Variants in HEMK2 observed in about 807,000 individuals in gnomAD.
HEMK2 encodes the protein HemK methyltransferase 2, ETF1 glutamine and histone H4 lysine.
the HEMK2 span, among the ~76,000 whole-genome samples, chr21:28,784,901 C>A: frequency 6.6e-6 from 1 of 152,216 alleles, no homozygotes; most frequent in Non-Finnish European, 1.5e-5. Context: ...ATAAATCTTG[C>A]TGCTGCTCAC....
the HEMK2 span, among the ~76,000 whole-genome samples, chr21:28,588,353 T>C: frequency 6.6e-6 from 1 of 152,306 alleles, no homozygotes; most frequent in Non-Finnish European, 1.5e-5. Flanking sequence ...AGGCAGTTCC[T>C]TACATATTGA....
chr21:28,715,494 TA>T, the HEMK2 span, among the ~76,000 whole-genome samples: 1 of 152,206 alleles, frequency 6.6e-6, no homozygotes, highest in Non-Finnish European at 1.5e-5. Flanking sequence ...TAGGGTTATT[TA>T]TTTTTTGTTT....
the HEMK2 span, among the ~76,000 whole-genome samples, chr21:28,753,917 T>C: frequency 4.6e-5 from 7 of 152,208 alleles, no homozygotes; most frequent in Non-Finnish European, 1.0e-4. Context: ...TTACTAAATA[T>C]ACTCTGGCTT....
the HEMK2 span, among the ~76,000 whole-genome samples, chr21:28,884,566 A>G: frequency 6.6e-6 from 1 of 152,212 alleles, no homozygotes; most frequent in Admixed American, 6.5e-5. Flanking sequence ...CAATAAATCC[A>G]TTTAAATAAA....
At chr21:28,769,262 G>A in the HEMK2 span, among the ~76,000 whole-genome samples, 1 of 152,050 alleles carries the variant, frequency 6.6e-6, no homozygotes, top group African/African-American at 2.4e-5. Flanking sequence ...ATTACCCCTA[G>A]ATGATGTGTA....
chr21:28,738,886 T>G, the HEMK2 span, among the ~76,000 whole-genome samples: 1 of 152,226 alleles, frequency 6.6e-6, no homozygotes, highest in Non-Finnish European at 1.5e-5. Flanking sequence ...AACAAGACAG[T>G]TGGTGTCCGT....
chr21:28,724,817 T>C, the HEMK2 span, among the ~76,000 whole-genome samples: 3 of 152,194 alleles, frequency 2.0e-5, no homozygotes, highest in Non-Finnish European at 4.4e-5. Context: ...GGTCTCACTC[T>C]GTCACCCAGG....
At chr21:28,816,884 T>C in the HEMK2 span, among the ~76,000 whole-genome samples, 27,117 of 152,032 alleles carry the variant, frequency 0.18, 3,043 homozygotes, top group East Asian at 0.4. Context: ...GCAGAGAAAA[T>C]AGAAGACATG....
the HEMK2 span, among the ~76,000 whole-genome samples, chr21:28,609,954 G>C: frequency 6.6e-6 from 1 of 152,316 alleles, no homozygotes; most frequent in Admixed American, 6.5e-5. Flanking sequence ...TGAGGGAGAA[G>C]AGAAATCTGA....
At chr21:28,789,972 A>T in the HEMK2 span, among the ~76,000 whole-genome samples, 1 of 152,242 alleles carries the variant, frequency 6.6e-6, no homozygotes, top group Non-Finnish European at 1.5e-5. Context: ...AAACACCAAC[A>T]GAGCATTGTA....
chr21:28,723,486 T>C, the HEMK2 span, among the ~76,000 whole-genome samples: 1 of 152,184 alleles, frequency 6.6e-6, no homozygotes, highest in East Asian at 1.9e-4. Context: ...CTGTTACTTA[T>C]TACCCTGGGG....
At chr21:28,854,900 A>C in the HEMK2 span, among the ~76,000 whole-genome samples, 1 of 152,214 alleles carries the variant, frequency 6.6e-6, no homozygotes, top group Non-Finnish European at 1.5e-5. Flanking sequence ...AATCCAATCA[A>C]GTTGACACTC....
the HEMK2 span, among the ~76,000 whole-genome samples, chr21:28,819,501 T>C: frequency 6.6e-6 from 1 of 151,602 alleles, no homozygotes; most frequent in African/African-American, 2.4e-5. Flanking sequence ...GTGGAGGATT[T>C]ACCAAAGAGT....
At chr21:28,647,321 T>TAAA in the HEMK2 span, among the ~76,000 whole-genome samples, 516 of 46,332 alleles carry the variant, frequency 0.011, 9 homozygotes, top group East Asian at 0.049. Flanking sequence ...CCATCTCTAC[T>TAAA]AAAAAAAAAA....
the HEMK2 span, among the ~76,000 whole-genome samples, chr21:28,831,467 G>GAAAAGAAAAGAAAAGAAAAGA: frequency 1.3e-4 from 3 of 23,450 alleles, no homozygotes; most frequent in African/African-American, 4.4e-4. Flanking sequence ...AAGAACGAAA[G>GAAAAGAAAAGAAAAGAAAAGA]AAAGAAAGAA....
the HEMK2 span, among the ~76,000 whole-genome samples, chr21:28,709,289 A>G: frequency 6.6e-6 from 1 of 152,228 alleles, no homozygotes; most frequent in Non-Finnish European, 1.5e-5. Flanking sequence ...TACAGAGTTA[A>G]TATGGAGGCA....
At chr21:28,761,959 C>T in the HEMK2 span, among the ~76,000 whole-genome samples, 1 of 152,090 alleles carries the variant, frequency 6.6e-6, no homozygotes, top group Non-Finnish European at 1.5e-5. Flanking sequence ...GGAAAAGAAA[C>T]ATCATGATAT....
chr21:28,655,961 T>C, the HEMK2 span, among the ~76,000 whole-genome samples: 3 of 152,218 alleles, frequency 2.0e-5, no homozygotes, highest in Admixed American at 6.5e-5. Context: ...ATCTTACTCC[T>C]AGCCCCAAAC....
chr21:28,790,768 T>C, the HEMK2 span, among the ~76,000 whole-genome samples: 1 of 147,618 alleles, frequency 6.8e-6, no homozygotes, highest in African/African-American at 2.5e-5. Context: ...TCTAAATGCT[T>C]TTTTGTATTT....
Sources: allele counts gnomAD v4.1 joint callset (sites outside exome capture counted in the v4.1 genomes callset), GRCh38; gene constraint gnomAD v4.1.1; transcripts MANE v1.5; gene names NCBI Gene and HGNC (gene_info 2026-07-23, HGNC 2026-07-21).